Variants in CWF19L1 observed in about 807,000 individuals in gnomAD.
CWF19L1 encodes the protein CWF19 like cell cycle control factor 1.
In CWF19L1, 60 loss-of-function variants were observed where a neutral mutation model predicts 69.7. The observed-to-expected ratio is 0.86, with a 90% CI of 0.70 to 1.07. The LOEUF (loss-of-function observed/expected upper bound fraction) is 1.07, where lower values mean the gene tolerates loss of function less well. CWF19L1 is among the 50% of genes least tolerant of loss of function. The pLI is 0.00. For synonymous variants in CWF19L1, 209 were observed against 222.2 expected (o/e 0.94, Z 0.53); for missense variants, 591 against 638.9 (o/e 0.92, Z 0.81).
Position 100,238,187 on chromosome 10 carries a change from GACA to G in CWF19L1, c.1086_1088del (p.Val363del). 4 of 1,614,158 alleles carry G rather than the reference GACA, an allele frequency of 2.5e-6. No individual in the cohort carries two copies. Among genetic ancestry groups the G allele is most frequent in the Non-Finnish European group, 3.4e-6 (4 of 1,180,024 alleles). ...GGTAGTGTCCAATAGGCAGGATGAG[GACA>G]TGGTCATCAGATAAGCCTCCTTTGG... On this transcript the variant is annotated inframe_deletion, in exon 11 of 14. Coordinates refer to ENST00000354105, the MANE Select transcript of CWF19L1 (RefSeq NM_018294.6).
intron 13 of CWF19L1, 156 bp from the exon 14 acceptor site, chr10:100,233,527 T>G: frequency 1.6e-6 from 1 of 635,630 alleles, no homozygotes; most frequent in Non-Finnish European, 2.5e-6. Context: ...CCGTTTTAAA[T>G]GACCAGCTCA....
chr10:100,253,091 C>G (rs1847096245), intron 6 of CWF19L1, among the ~76,000 whole-genome samples: 1 of 152,160 alleles, frequency 6.6e-6, no homozygotes, highest in Non-Finnish European at 1.5e-5. Context: ...GTAGTCATTG[C>G]ACACTATAGT....
chr10:100,264,576 C>A (rs1379854868), intron 1 of CWF19L1, among the ~76,000 whole-genome samples: 4 of 147,736 alleles, frequency 2.7e-5, no homozygotes, highest in Non-Finnish European at 1.5e-5. Flanking sequence ...GTATGGTATG[C>A]TCTTTACTGT....
chr10:100,256,576 AT>A, intron 4 of CWF19L1, 100 bp from the exon 5 acceptor site: 1 of 883,726 alleles, frequency 1.1e-6, no homozygotes, highest in Non-Finnish European at 1.8e-6. Flanking sequence ...TGTCCCTGCC[AT>A]TTTACATGTC....
rs1458268489 is a variant in CWF19L1 at position 100,267,582 on chromosome 10, T to C, written c.12A>G (p.Lys4=). 3 of 1,614,032 alleles carry C rather than the reference T, an allele frequency of 1.9e-6. No individual in the cohort carries two copies. Among genetic ancestry groups the C allele is most frequent in the African/African-American group, 2.7e-5 (2 of 74,914 alleles). MAQ[K]PLRLLACGDV... ...TCACGGTCACTCACAGGCGCAGCGG[T>C]TTCTGTGCCATCTGTCCGAATAGTA... The change falls in exon 1 of 14, where the codon AAA becomes AAG. Residue 4 remains lysine, a synonymous_variant. Transcript: ENST00000354105.
chr10:100,259,646 T>C (rs1231181208), intron 4 of CWF19L1, among the ~76,000 whole-genome samples: 1 of 152,148 alleles, frequency 6.6e-6, no homozygotes, highest in East Asian at 1.9e-4. Flanking sequence ...AACAAGTGTG[T>C]ACCGGGTTGT....
At chr10:100,244,960 A>G (rs190712312) in intron 9 of CWF19L1, among the ~76,000 whole-genome samples, 4 of 152,190 alleles carry the variant, frequency 2.6e-5, no homozygotes, top group Non-Finnish European at 1.5e-5. Context: ...CCAGCATTAC[A>G]TAATTCTAGA....
At chr10:100,246,722 ACTTGT>A in intron 8 of CWF19L1, 68 bp downstream of exon 8, 1 of 1,385,586 alleles carries the variant, frequency 7.2e-7, no homozygotes. Context: ...TAACGATTAA[ACTTGT>A]CTTATGTACT....
chr10:100,263,929 C>T (rs1177410517), intron 1 of CWF19L1, among the ~76,000 whole-genome samples: 1 of 152,188 alleles, frequency 6.6e-6, no homozygotes, highest in East Asian at 1.9e-4. Context: ...CATGCCAAAG[C>T]GTTCTTAAGC....
chr10:100,234,647 C>A (rs1370464646), intron 13 of CWF19L1, among the ~76,000 whole-genome samples: 1 of 152,188 alleles, frequency 6.6e-6, no homozygotes, highest in African/African-American at 2.4e-5. Context: ...AAGACAGGTT[C>A]AAGGCTCACT....
Position 100,256,401 on chromosome 10 carries a change from G to A in CWF19L1, c.365C>T (p.Pro122Leu), listed in dbSNP as rs1847215141. Residue 122 changes from proline to leucine, a missense_variant, in exon 5 of 14, where the codon CCA becomes CTA. Coordinates refer to ENST00000354105, the MANE Select transcript of CWF19L1 (RefSeq NM_018294.6). ...YLSGTESLNE[P>L]VPGYSFSPKD... ...GGGACTAAAACTATAACCTGGTACTGGCTCATTTAAGGATTCTGTCCCACT... is the reference window on the plus strand; with the variant it reads ...GGGACTAAAACTATAACCTGGTACTAGCTCATTTAAGGATTCTGTCCCACT... The A allele has an allele frequency of 1.9e-6, 3 of 1,614,130 alleles. No homozygotes were observed. Among genetic ancestry groups the A allele is most frequent in the Admixed American group, 1.7e-5 (1 of 60,016 alleles).
chr10:100,262,490 T>C, intron 1 of CWF19L1: 2 of 985,148 alleles, frequency 2.0e-6, no homozygotes, highest in African/African-American at 1.7e-5. Flanking sequence ...GCTTCAGTCA[T>C]TCATTTGATA....
intron 6 of CWF19L1, among the ~76,000 whole-genome samples, chr10:100,250,615 G>C (rs1283597077): frequency 2.0e-5 from 3 of 152,176 alleles, no homozygotes; most frequent in Non-Finnish European, 2.9e-5. Flanking sequence ...GTTGACAATA[G>C]TTCAAGCTAA....
At chr10:100,240,512 T>A (rs970539327) in intron 10 of CWF19L1, among the ~76,000 whole-genome samples, 3 of 152,198 alleles carry the variant, frequency 2.0e-5, no homozygotes, top group African/African-American at 7.2e-5. Context: ...GGATGTTGGG[T>A]TGGGCCACAA....
rs1218488959 is a variant in CWF19L1 at position 100,245,868 on chromosome 10, C to T, written c.895G>A (p.Gly299Arg). ...CTACCTGTGGATGAACGCTTCCTTC[C>T]CTGCTTTTCATTTAAATCAAAGAAA... Reference protein sequence around the residue: ...QFFFDLNEKQGRKRSSTGRDS... With the variant: ...QFFFDLNEKQRRKRSSTGRDS... The change falls in exon 9 of 14, where the codon GGA becomes AGA. Residue 299 changes from glycine (G) to arginine (R), a missense_variant. Gly to Arg is a moderately radical substitution (Grantham distance 125). Around this residue, in one of 3 missense-constraint regions of CWF19L1, gnomAD observed 458 missense variants for 489.3 expected, o/e 0.94. Coordinates refer to ENST00000354105, the MANE Select transcript of CWF19L1 (RefSeq NM_018294.6). The T allele has an allele frequency of 6.2e-7, 1 of 1,614,062 alleles. No individual in the cohort carries two copies. Among genetic ancestry groups the T allele is most frequent in the Admixed American group, 1.7e-5 (1 of 60,002 alleles).
At chr10:100,260,695 A>G (rs141591570) in intron 3 of CWF19L1, among the ~76,000 whole-genome samples, 25 of 151,920 alleles carry the variant, frequency 1.6e-4, no homozygotes, top group South Asian at 8.3e-4. Context: ...GCTAATTTTT[A>G]TATTTTTAGT....
chr10:100,244,950 C>T (rs1846762633), intron 9 of CWF19L1, among the ~76,000 whole-genome samples: 1 of 152,042 alleles, frequency 6.6e-6, no homozygotes, highest in African/African-American at 2.4e-5. Context: ...GAATCAGTTT[C>T]CAGCATTACA....
chr10:100,261,814 C>T (rs878973394), intron 2 of CWF19L1, among the ~76,000 whole-genome samples, 165 bp downstream of exon 2: 27 of 152,164 alleles, frequency 1.8e-4, no homozygotes, highest in Non-Finnish European at 3.1e-4. Context: ...GTAAATAGGT[C>T]TCCCTCCCCC....
intron 1 of CWF19L1, among the ~76,000 whole-genome samples, chr10:100,266,620 A>G (rs1847595168): frequency 1.3e-5 from 2 of 148,776 alleles, no homozygotes; most frequent in South Asian, 4.3e-4. Flanking sequence ...GGTTCAAGCG[A>G]TTCTCCTGCC....
Sources: gnomAD v4.1 joint callset for allele counts (sites outside exome capture counted in the v4.1 genomes callset) on GRCh38, gnomAD v4.1.1 for gene constraint, gnomAD v4.1.1 regional missense constraint, MANE v1.5 for transcripts, NCBI Gene and HGNC (gene_info 2026-07-23, HGNC 2026-07-21) for gene names.